OR51B5: variants seen among roughly 807,000 people sequenced by gnomAD.
OR51B5 encodes the protein olfactory receptor family 51 subfamily B member 5.
For synonymous variants in OR51B5, 186 were observed against 144.8 expected, an observed-to-expected ratio of 1.28 and a Z score of -2.04; for missense variants, 456 against 374.6, an observed-to-expected ratio of 1.22 and a Z score of -1.79.
intron 1 of OR51B5, among the ~76,000 whole-genome samples, chr11:5,443,951 T>C (rs543059411): frequency 6.6e-6 from 1 of 152,154 alleles, no homozygotes; most frequent in East Asian, 1.9e-4. Context: ...TTATAGGCAC[T>C]ATCTCATACC....
intron 1 of OR51B5, among the ~76,000 whole-genome samples, chr11:5,385,835 T>C (rs1298374454): frequency 6.7e-6 from 1 of 148,338 alleles, no homozygotes; most frequent in Non-Finnish European, 1.5e-5. Flanking sequence ...GAATATATAA[T>C]GTATATACTA....
At chr11:5,396,214 G>C (rs577869111) in intron 1 of OR51B5, among the ~76,000 whole-genome samples, 5 of 152,220 alleles carry the variant, frequency 3.3e-5, no homozygotes, top group African/African-American at 9.6e-5. Context: ...TGGAAGTTCT[G>C]GCCCGGGCAA....
chr11:5,453,402 G>C (rs752460723), intron 1 of OR51B5: 3 of 949,922 alleles, frequency 3.2e-6, no homozygotes, highest in Non-Finnish European at 4.6e-6. Context: ...CTTATCTCCT[G>C]ATTTCTTGTC....
At chr11:5,389,864 G>A (rs749087508) in intron 1 of OR51B5, 1 of 1,613,664 alleles carries the variant, frequency 6.2e-7, no homozygotes, top group South Asian at 1.1e-5. Context: ...AGTGGTCAGA[G>A]CAGGCCTAAT....
intron 1 of OR51B5, among the ~76,000 whole-genome samples, chr11:5,492,593 T>A (rs1012662729): frequency 3.3e-5 from 5 of 152,170 alleles, no homozygotes; most frequent in African/African-American, 4.8e-5. Context: ...TCCAAGGGAA[T>A]TGATTGATTC....
chr11:5,484,534 C>T (rs11037733), intron 1 of OR51B5, among the ~76,000 whole-genome samples: 3,315 of 152,286 alleles, frequency 0.022, 112 homozygotes, highest in African/African-American at 0.068. Flanking sequence ...AGTGCCAATG[C>T]TGAGCCCAAA....
rs188023904 is a variant in OR51B5, at chr11:5,410,532, T to G, written n.85-63622A>C. Among the ~76,000 whole-genome samples, 564 of 152,318 alleles carry G rather than the reference T, an allele frequency of 3.7e-3. 1 individual carries two copies. Among genetic ancestry groups the G allele is most frequent in the African/African-American group, 0.013 (534 of 41,592 alleles). ...AGGACAGTGGTTCCATAGATTATAATGAAAGTGAAAAATCCTATCACTTGT... is the reference window on the plus strand; with the variant it reads ...AGGACAGTGGTTCCATAGATTATAAGGAAAGTGAAAAATCCTATCACTTGT... On this transcript the variant is annotated intron_variant and non_coding_transcript_variant, in intron 1 of 4. Coordinates refer to the OR51B5 transcript ENST00000415970.
intron 1 of OR51B5, among the ~76,000 whole-genome samples, chr11:5,472,307 C>A (rs374289809): frequency 2.6e-3 from 396 of 152,264 alleles, no homozygotes; most frequent in South Asian, 0.016. Flanking sequence ...GTACCCTAAT[C>A]ACTAAAGGAT....
chr11:5,363,994 A>G (rs1252904722), intron 1 of OR51B5, among the ~76,000 whole-genome samples: 1 of 152,182 alleles, frequency 6.6e-6, no homozygotes, highest in Non-Finnish European at 1.5e-5. Context: ...GCTGGAGAAC[A>G]GGGCTTCACA....
intron 1 of OR51B5, among the ~76,000 whole-genome samples, chr11:5,373,858 C>A (rs547953570): frequency 6.6e-6 from 1 of 152,262 alleles, no homozygotes; most frequent in South Asian, 2.1e-4. Flanking sequence ...CACCACAGCT[C>A]AAGGAGGCCT....
At chr11:5,453,490 TG>T (rs1850889012) in intron 1 of OR51B5, 1 of 1,533,412 alleles carries the variant, frequency 6.5e-7, no homozygotes, top group Admixed American at 2.2e-5. Context: ...TGTTTTGCTA[TG>T]GGGTTGTTCA....
intron 1 of OR51B5, among the ~76,000 whole-genome samples, chr11:5,416,073 C>A (rs1171764647): frequency 1.1e-4 from 17 of 149,070 alleles, no homozygotes; most frequent in Admixed American, 5.4e-4. Flanking sequence ...AAAAGCTTAT[C>A]CACCATGATC....
At chr11:5,459,233 C>G (rs1251908076) in intron 1 of OR51B5, among the ~76,000 whole-genome samples, 1 of 152,082 alleles carries the variant, frequency 6.6e-6, no homozygotes, top group Non-Finnish European at 1.5e-5. Context: ...GCTTTTAGTT[C>G]TGTTAAAGAG....
At chr11:5,351,780 C>T (rs1205799793) in intron 1 of OR51B5, 3 of 1,614,002 alleles carry the variant, frequency 1.9e-6, no homozygotes, top group East Asian at 2.2e-5. Context: ...GGGAGATTGG[C>T]CATGGAGCCT....
chr11:5,478,705 G>C (rs990600358), intron 1 of OR51B5, among the ~76,000 whole-genome samples: 1 of 151,664 alleles, frequency 6.6e-6, no homozygotes, highest in African/African-American at 2.4e-5. Flanking sequence ...CAAGAACTAC[G>C]TGAAGAATGC....
rs866942728 is a variant in OR51B5, at chr11:5,477,793, G to A, written n.84+27776C>T. Among the ~76,000 whole-genome samples, 42 of 152,292 alleles carry A rather than the reference G, an allele frequency of 2.8e-4. No homozygotes were observed. In the Middle Eastern group the frequency reaches 0.01, roughly 37 times the overall value. ...CGGGTCACTCCCACCTGAATATTGC[G>A]CTTTTCGGACTGGCTTAAAAAACGG... On this transcript the variant is annotated intron_variant and non_coding_transcript_variant, in intron 1 of 4. Coordinates refer to the OR51B5 transcript ENST00000415970.
chr11:5,376,742 A>G (rs1022458023), intron 1 of OR51B5, among the ~76,000 whole-genome samples: 3 of 151,774 alleles, frequency 2.0e-5, no homozygotes, highest in African/African-American at 7.3e-5. Flanking sequence ...CACATACACT[A>G]TCCCAAGACT....
intron 1 of OR51B5, among the ~76,000 whole-genome samples, chr11:5,437,004 G>A (rs2133772735): frequency 6.6e-6 from 1 of 152,238 alleles, no homozygotes; most frequent in East Asian, 1.9e-4. Context: ...GAGCCCCTGG[G>A]GTCCTGCTTT....
intron 1 of OR51B5, among the ~76,000 whole-genome samples, chr11:5,386,441 A>G (rs7109909): frequency 0.18 from 27,546 of 152,156 alleles, 2,650 homozygotes; most frequent in African/African-American, 0.26. Flanking sequence ...GTGAAGTAGT[A>G]ATAAAATGTT....
Sources: gnomAD v4.1 joint callset for allele counts (sites outside exome capture counted in the v4.1 genomes callset) on GRCh38, gnomAD v4.1.1 for gene constraint, MANE v1.5 for transcripts, NCBI Gene and HGNC (gene_info 2026-07-23, HGNC 2026-07-21) for gene names.